The following DMD variants were observed in gnomAD, a reference collection of about 807,000 sequenced individuals.
The protein encoded by DMD is dystrophin.
Under a neutral mutation model 330.1 loss-of-function variants are expected in DMD, and 63 were observed. The ratio of observed to expected loss-of-function variants is 0.19; its 90% confidence interval spans 0.16 to 0.24. The LOEUF is 0.24. DMD is among the 10% of genes least tolerant of loss of function. The pLI, the probability that DMD is intolerant of heterozygous loss-of-function variation, is 1.00. For synonymous variants in DMD, 1,223 were observed against 959.8 expected (o/e 1.27, Z -5.07); for missense variants, 3,344 against 2,684.1 (o/e 1.25, Z -5.43).
At chrX:32,107,452 G>A (rs2096569964) in intron 44 of DMD, among the ~76,000 whole-genome samples, 1 of 107,230 alleles carries the variant, frequency 9.3e-6, no homozygotes, top group Non-Finnish European at 1.9e-5. Flanking sequence ...AACTCCCAAG[G>A]TATACAGGGT....
intron 55 of DMD, among the ~76,000 whole-genome samples, chrX:31,541,455 A>C (rs1050860373): frequency 9.3e-6 from 1 of 107,631 alleles, no homozygotes; most frequent in Admixed American, 1.0e-4. Flanking sequence ...CGTCATTTAC[A>C]TTAGGTATAT....
chrX:31,997,349 T>A (rs2095594538), intron 44 of DMD, among the ~76,000 whole-genome samples: 2 of 110,881 alleles, frequency 1.8e-5, no homozygotes, highest in South Asian at 7.6e-4. Context: ...TTTAAAAAAA[T>A]TCCTATTCTC....
intron 37 of DMD, among the ~76,000 whole-genome samples, chrX:32,353,219 A>AG (rs1212548465): frequency 1.8e-5 from 2 of 111,545 alleles, no homozygotes; most frequent in Admixed American, 1.9e-4. Context: ...AGAGTTCACT[A>AG]GTTCAGCATT....
chrX:31,907,936 T>A (rs1265110126), intron 47 of DMD, among the ~76,000 whole-genome samples: 1 of 112,668 alleles, frequency 8.9e-6, no homozygotes, highest in Non-Finnish European at 1.9e-5. Context: ...AAAGAAGACA[T>A]TTATGCAGCT....
intron 9 of DMD, among the ~76,000 whole-genome samples, chrX:32,649,118 G>GTT (rs987360639): frequency 2.0e-5 from 2 of 97,996 alleles, no homozygotes; most frequent in Non-Finnish European, 2.1e-5. Context: ...TTCTGTTTTT[G>GTT]TTTTTTTTTT....
chrX:32,362,857 T>C lies in DMD; in HGVS notation c.5256A>G (p.Leu1752=). 8.3e-7 allele frequency: 1 copy of C among 1,211,421 alleles called. No individual in the cohort carries two copies. The stretch of plus-strand genomic sequence containing the variant: ...TGAGCTCTGAGATTTGGGGCTCTAC[T>C]AATTTCCTGCAGTGGTCACCGCGGT... ...MANRGDHCRK[L]VEPQISELNH... is the part of the protein sequence containing the mutation. The change falls in exon 37 of 79, where the codon TTA becomes TTG. Residue 1752 remains leucine (L), a synonymous_variant. Transcript: ENST00000357033.
At chrX:31,699,701 G>A (rs1403001480) in intron 52 of DMD, among the ~76,000 whole-genome samples, 1 of 111,640 alleles carries the variant, frequency 9.0e-6, no homozygotes, top group East Asian at 2.8e-4. Flanking sequence ...CATGCATGTT[G>A]AAGAACTTAG....
intron 47 of DMD, among the ~76,000 whole-genome samples, chrX:31,926,488 G>T (rs915994579): frequency 9.1e-6 from 1 of 110,358 alleles, no homozygotes; most frequent in Non-Finnish European, 1.9e-5. Flanking sequence ...CAGCCTGGCC[G>T]ACATGGCGAA....
intron 1 of DMD, among the ~76,000 whole-genome samples, chrX:33,098,207 G>A (rs1442462558): frequency 1.8e-5 from 2 of 111,512 alleles, no homozygotes; most frequent in Non-Finnish European, 3.8e-5. Context: ...TCCCAGTTTA[G>A]CGGAAGAGAA....
In DMD at chrX:32,365,023, C is replaced by A. The variant is rs398123975; in HGVS notation, c.5022G>T (p.Leu1674Phe). 4 of 1,208,561 alleles carry A rather than the reference C, an allele frequency of 3.3e-6. No individual in the cohort carries two copies. The highest frequency in any genetic ancestry group is 3.4e-6 in the Non-Finnish European group (3 of 894,476). Residue 1674 changes from leucine (L) to phenylalanine (F), a missense_variant, in exon 35 of 79, where the codon TTG becomes TTT. Coordinates refer to ENST00000357033, the MANE Select transcript of DMD (RefSeq NM_004006.3). ...TSRAEEWLNL[L>F]LEYQKHMETF... ...AGCTTCTAGCCTTTTCTCTTACCAACAAAAGATTTAACCACTCTTCTGCTC... is the reference window on the plus strand; with the variant it reads ...AGCTTCTAGCCTTTTCTCTTACCAAAAAAAGATTTAACCACTCTTCTGCTC...
chrX:32,327,729 A>G (rs778879122), intron 41 of DMD, among the ~76,000 whole-genome samples: 15 of 111,307 alleles, frequency 1.3e-4, no homozygotes, highest in African/African-American at 4.6e-4. Context: ...AAGGATTCCA[A>G]TATAAAATTG....
intron 60 of DMD, among the ~76,000 whole-genome samples, chrX:31,410,008 C>T (rs757497681): frequency 1.8e-4 from 20 of 111,058 alleles, no homozygotes; most frequent in South Asian, 7.6e-4. Context: ...TTAGTAGAGA[C>T]AGGGTTTTGC....
chrX:32,315,417 T>C (rs936180123), intron 41 of DMD, among the ~76,000 whole-genome samples: 14 of 110,439 alleles, frequency 1.3e-4, no homozygotes, highest in African/African-American at 4.6e-4. Context: ...CTAATGTAGA[T>C]GACAGGTTGA....
chrX:31,525,169 C>T (rs116540591), intron 55 of DMD, among the ~76,000 whole-genome samples: 6,021 of 111,400 alleles, frequency 0.054, 386 homozygotes, highest in African/African-American at 0.18. Flanking sequence ...ATCATATTAA[C>T]ACATGGGGCG....
At chrX:32,246,918 C>G (rs905399526) in intron 43 of DMD, among the ~76,000 whole-genome samples, 4 of 110,836 alleles carry the variant, frequency 3.6e-5, no homozygotes, top group African/African-American at 9.8e-5. Flanking sequence ...TGGTTTTCCA[C>G]GTACTTCAGA....
intron 44 of DMD, among the ~76,000 whole-genome samples, chrX:32,044,880 GT>G (rs2096050685): frequency 8.9e-6 from 1 of 112,098 alleles, no homozygotes; most frequent in South Asian, 3.7e-4. Flanking sequence ...TGGACAGGAT[GT>G]TTCGAATGCA....
chrX:32,807,011 C>G (rs1299760936), intron 7 of DMD, among the ~76,000 whole-genome samples: 1 of 107,257 alleles, frequency 9.3e-6, no homozygotes, highest in East Asian at 2.9e-4. Flanking sequence ...AAAATCAACA[C>G]CCTAACATCA....
At chrX:31,287,600 G>C (rs915959381) in intron 62 of DMD, among the ~76,000 whole-genome samples, 1 of 111,879 alleles carries the variant, frequency 8.9e-6, no homozygotes, top group Non-Finnish European at 1.9e-5. Flanking sequence ...ACAATGAGGA[G>C]ATTCAATTAA....
At chrX:32,628,273 TTTTTTTTTTTTTTTTTTTTTTTA>T (rs1390002174) in intron 11 of DMD, among the ~76,000 whole-genome samples, 1 of 63,506 alleles carries the variant, frequency 1.6e-5, no homozygotes, top group African/African-American at 8.3e-5. Flanking sequence ...TTTTTTTTTT[TTTTTTTTTTTTTTTTTTTTTTTA>T]AGCTCTCACA....
Sources: allele counts gnomAD v4.1 joint callset (sites outside exome capture counted in the v4.1 genomes callset), GRCh38; gene constraint gnomAD v4.1.1; transcripts MANE v1.5; gene names NCBI Gene and HGNC (gene_info 2026-07-23, HGNC 2026-07-21).